The following HIGD2B variants were observed in gnomAD, a reference collection of about 807,000 sequenced individuals.
HIGD2B encodes the protein HIG1 domain family member 2B.
For synonymous variants in HIGD2B, 45 were observed against 28.1 expected, an observed-to-expected ratio of 1.60 and a Z score of -1.90; for missense variants, 106 against 67.0, an observed-to-expected ratio of 1.58 and a Z score of -2.03.
rs1479214501 is a variant in HIGD2B at position 72,676,124 on chromosome 15, G to A, written c.251C>T (p.Ala84Val). ...GGCTGCAATGGTGAAGCCCTGGGCGGCGATCTGGGTGTGCATCATAAGCCG... is the reference window on the plus strand; with the variant it reads ...GGCTGCAATGGTGAAGCCCTGGGCGACGATCTGGGTGTGCATCATAAGCCG... ...CSRLMMHTQIAAQGFTIAAIL... is the reference protein window; with the variant it reads ...CSRLMMHTQIVAQGFTIAAIL... Residue 84 changes from alanine to valine, a missense_variant, in exon 3 of 3, where the codon GCC (alanine) becomes GTC (valine). Physicochemically the swap from Ala to Val is moderately conservative, Grantham distance 64 (BLOSUM62 0). Transcript: ENST00000311755. 1 of 765,328 alleles carries A rather than the reference G, an allele frequency of 1.3e-6. No homozygotes were observed. Among genetic ancestry groups the A allele is most frequent in the Admixed American group, 1.7e-5 (1 of 58,738 alleles). The allele number at this position is 765,328 out of a possible 1,614,324, so 47.4% of individuals were successfully genotyped here. A position where few individuals can be genotyped will look rare whatever the true frequency, so the allele number is the denominator to read the frequency against.
At chr15:72,679,472 G>A (rs2064726993) in intron 2 of HIGD2B, among the ~76,000 whole-genome samples, 1 of 152,052 alleles carries the variant, frequency 6.6e-6, no homozygotes, top group Non-Finnish European at 1.5e-5. Flanking sequence ...TTATTAAGTA[G>A]TTATGAGCCA....
rs546591512 is a variant in HIGD2B at position 72,676,172 on chromosome 15, T to G, written c.203A>C (p.His68Pro). ...CCGTGAACATTGGCTGTTGCCCTGG[T>G]GGAAGCAGTAGAGGCCGTTGGTGAG... Reference protein sequence around the residue: ...AVLTNGLYCFHQGNSQCSRLM... With the variant: ...AVLTNGLYCFPQGNSQCSRLM... The change falls in exon 3 of 3, where the codon CAC (histidine) becomes CCC (proline). Residue 68 changes from histidine to proline, a missense_variant. His to Pro is a moderately conservative substitution (Grantham distance 77, BLOSUM62 -2). Coordinates refer to ENST00000311755, the MANE Select transcript of HIGD2B (RefSeq NM_001350932.3). 1.3e-6 allele frequency: 1 copy of G among 763,080 alleles called. No individual in the cohort carries two copies. The highest frequency in any genetic ancestry group is 2.4e-5 in the East Asian group (1 of 41,128). 47.3% of individuals were successfully genotyped at this position (763,080 alleles called of 1,614,324 possible).
At position 72,685,980 on chromosome 15, in the gene HIGD2B, C is replaced by T. The variant is rs966403836; in HGVS notation, c.-355G>A. The T allele has an allele frequency of 3.0e-5, 18 of 598,440 alleles. No homozygotes were observed. The highest frequency in any genetic ancestry group is 5.6e-5 in the African/African-American group (3 of 53,958). The allele number at this position is 598,440 out of a possible 1,614,324, so 37.1% of individuals were successfully genotyped here. A position where few individuals can be genotyped will look rare whatever the true frequency, so the allele number is the denominator to read the frequency against. Reference sequence around the variant, plus strand: ...CCGGAGGTACAGACCATGTACAGACCACGGCGAGGGGTGTTAGGGGCTTCT... The same window carrying T: ...CCGGAGGTACAGACCATGTACAGACTACGGCGAGGGGTGTTAGGGGCTTCT... On this transcript the variant is annotated 5_prime_UTR_variant, in exon 1 of 3. Coordinates refer to ENST00000311755, the MANE Select transcript of HIGD2B (RefSeq NM_001350932.3).
chr15:72,686,166 C>T lies in HIGD2B; in HGVS notation c.-541G>A. ...CAGTCCTCCACAGCCCTACGACTTC[C>T]GCTTGCCTCGTCGTCTGGGAAACCG... On this transcript the variant is annotated 5_prime_UTR_variant, in exon 1 of 3. Coordinates refer to ENST00000311755, the MANE Select transcript of HIGD2B (RefSeq NM_001350932.3). 1 of 1,520,354 alleles carries T rather than the reference C, an allele frequency of 6.6e-7. No homozygotes were observed. The allele number at this position is 1,520,354 out of a possible 1,614,324, so 94.2% of individuals were successfully genotyped here.
chr15:72,683,058 T>C (rs1213648930), intron 1 of HIGD2B, among the ~76,000 whole-genome samples: 1 of 152,246 alleles, frequency 6.6e-6, no homozygotes, highest in East Asian at 1.9e-4. Context: ...GGAGACGTAA[T>C]GGCTTCTACT....
Position 72,682,843 on chromosome 15 carries a change from G to A in HIGD2B, c.-192-2650C>T, listed in dbSNP as rs558195677. On this transcript the variant is annotated intron_variant, in intron 1 of 2. Coordinates refer to ENST00000311755, the MANE Select transcript of HIGD2B (RefSeq NM_001350932.3). ...CCTTTGTAATCCATTCCCCACTTAA[G>A]TTTCACCATCTACTGGCTTTTCTGT... is the stretch of plus-strand genomic sequence containing the variant. 3.9e-5 allele frequency: 10 copies of A among 255,048 alleles called. No homozygotes were observed. The South Asian group carries it at 6.5e-4, about 17-fold the overall frequency. The allele number at this position is 255,048 out of a possible 1,614,324, so 15.8% of individuals were successfully genotyped here.
intron 1 of HIGD2B, chr15:72,682,752 TTAAC>T (rs2064762572): frequency 9.8e-6 from 2 of 203,246 alleles, no homozygotes; most frequent in Admixed American, 4.5e-5. Context: ...AGACAACACT[TTAAC>T]TATGTATTCT....
intron 2 of HIGD2B, among the ~76,000 whole-genome samples, chr15:72,677,727 C>T (rs184611446): frequency 6.6e-6 from 1 of 151,098 alleles, no homozygotes; most frequent in Non-Finnish European, 1.5e-5. Context: ...CATGCCACTG[C>T]ACTCCAGCCT....
At chr15:72,683,615 T>A (rs1457610113) in intron 1 of HIGD2B, among the ~76,000 whole-genome samples, 1 of 152,038 alleles carries the variant, frequency 6.6e-6, no homozygotes, top group East Asian at 1.9e-4. Flanking sequence ...CCAAGTTGGC[T>A]GGATTGCTTG....
At chr15:72,683,259 T>C (rs2064768088) in intron 1 of HIGD2B, among the ~76,000 whole-genome samples, 1 of 152,154 alleles carries the variant, frequency 6.6e-6, no homozygotes, top group Non-Finnish European at 1.5e-5. Flanking sequence ...ATATTCTCTG[T>C]AGAGGAGTGT....
intron 1 of HIGD2B, among the ~76,000 whole-genome samples, chr15:72,680,407 T>G (rs1478543625): frequency 6.6e-6 from 1 of 152,230 alleles, no homozygotes; most frequent in Non-Finnish European, 1.5e-5. Flanking sequence ...AATGAGATCA[T>G]GAATAAACTG....
intron 2 of HIGD2B, 83 bp from the exon 3 acceptor site, chr15:72,676,470 C>T (rs1023252903): frequency 5.6e-5 from 34 of 605,414 alleles, no homozygotes; most frequent in Admixed American, 1.2e-4. Flanking sequence ...AGTGGTGCAA[C>T]CTTGGCTCAC....
At chr15:72,679,365 C>CA (rs33992211) in intron 2 of HIGD2B, among the ~76,000 whole-genome samples, 102,068 of 123,426 alleles carry the variant, frequency 0.83, 41,950 homozygotes, top group Non-Finnish European at 0.9. Context: ...AACTGTGTCT[C>CA]AAAAAAAAAA....
intron 2 of HIGD2B, among the ~76,000 whole-genome samples, chr15:72,677,235 G>T (rs1166383415): frequency 6.6e-6 from 1 of 152,136 alleles, no homozygotes. Context: ...TTTGAGACCA[G>T]CCTGGGCAAC....
At chr15:72,684,791 T>C (rs922453109) in intron 1 of HIGD2B, among the ~76,000 whole-genome samples, 1 of 151,184 alleles carries the variant, frequency 6.6e-6, no homozygotes, top group Non-Finnish European at 1.5e-5. Context: ...GCCCAGCAAA[T>C]TTTTGTTTTT....
At position 72,675,987 on chromosome 15, in the gene HIGD2B, C is replaced by T. The variant is rs1385665351; in HGVS notation, c.*67G>A. 5 of 658,960 alleles carry T rather than the reference C, an allele frequency of 7.6e-6. No homozygotes were observed. The African/African-American group carries it at 8.9e-5, about 12-fold the overall frequency. The allele number at this position is 658,960 out of a possible 1,614,324, so 40.8% of individuals were successfully genotyped here. On this transcript the variant is annotated 3_prime_UTR_variant, in exon 3 of 3. Coordinates refer to ENST00000311755, the MANE Select transcript of HIGD2B (RefSeq NM_001350932.3). ...TCAAAGGAGAGGAGAGAGTAAGTCC[C>T]ATGGTAGGGCCAGTGGTTGCTCCTG... is the stretch of plus-strand genomic sequence containing the variant.
intron 1 of HIGD2B, among the ~76,000 whole-genome samples, chr15:72,683,863 G>T (rs1163827044): frequency 6.6e-6 from 1 of 150,532 alleles, no homozygotes; most frequent in Non-Finnish European, 1.5e-5. Flanking sequence ...ACTAAGCACT[G>T]TGGATTAGAA....
In HIGD2B at chr15:72,675,972, G is replaced by T. The variant is rs1400552761; in HGVS notation, c.*82C>A. ...CGACACAGGGACCTCTCAAAGGAGA[G>T]GAGAGAGTAAGTCCCATGGTAGGGC... On this transcript the variant is annotated 3_prime_UTR_variant, in exon 3 of 3. Coordinates refer to ENST00000311755, the MANE Select transcript of HIGD2B (RefSeq NM_001350932.3). 2 of 639,304 alleles carry T rather than the reference G, an allele frequency of 3.1e-6. No individual in the cohort carries two copies. Among genetic ancestry groups the T allele is most frequent in the East Asian group, 2.7e-5 (1 of 36,726 alleles). 39.6% of individuals were successfully genotyped at this position (639,304 alleles called of 1,614,324 possible).
chr15:72,676,731 T>A (rs1483171975), intron 2 of HIGD2B, among the ~76,000 whole-genome samples: 1 of 152,180 alleles, frequency 6.6e-6, no homozygotes, highest in Non-Finnish European at 1.5e-5. Flanking sequence ...TTTTATATAA[T>A]GTTATTTGAT....
Sources: gnomAD v4.1 joint callset for allele counts (sites outside exome capture counted in the v4.1 genomes callset) on GRCh38, gnomAD v4.1.1 for gene constraint, MANE v1.5 for transcripts, NCBI Gene and HGNC (gene_info 2026-07-23, HGNC 2026-07-21) for gene names.